SEC24A: variants seen among roughly 807,000 people sequenced by gnomAD.
SEC24A encodes protein transport protein Sec24A.
Under a neutral mutation model 129.4 loss-of-function variants are expected in SEC24A, and 93 were observed. The observed-to-expected ratio is 0.72, with a 90% CI of 0.61 to 0.85. SEC24A has a LOEUF of 0.85. SEC24A is among the 40% of genes least tolerant of loss of function. SEC24A has a pLI of 0.00. For missense variants in SEC24A, 1,264 were observed against 1,307.4 expected (o/e 0.97, Z 0.51); for synonymous variants, 460 against 467.3 (o/e 0.98, Z 0.20).
chr5:134,715,069 T>A lies in SEC24A; in HGVS notation c.2773T>A (p.Phe925Ile). The change falls in exon 19 of 23, where the codon TTT (phenylalanine) becomes ATT (isoleucine). Residue 925 changes from phenylalanine to isoleucine, a missense_variant. By Grantham distance (21) the Phe-to-Ile change is conservative. Transcript: ENST00000398844. Reference sequence around the variant, plus strand: ...AAATGCACGTCTAGATGAACGCATTTTTGCTATGTGTCAAGTGAAAAACCA... The same window carrying A: ...AAATGCACGTCTAGATGAACGCATTATTGCTATGTGTCAAGTGAAAAACCA... The part of the protein sequence containing the change: ...GTNARLDERI[F>I]AMCQVKNQPL... The A allele has an allele frequency of 6.2e-7, 1 of 1,613,050 alleles. No homozygotes were observed. The highest frequency in any genetic ancestry group is 8.5e-7 in the Non-Finnish European group (1 of 1,179,754).
intron 1 of SEC24A, among the ~76,000 whole-genome samples, chr5:134,660,092 T>G (rs1436875391): frequency 6.6e-6 from 1 of 152,046 alleles, no homozygotes; most frequent in African/African-American, 2.4e-5. Context: ...TACAACCTGT[T>G]TGCTCACGCC....
At chr5:134,714,998 T>G (rs1239262360) in intron 18 of SEC24A, 26 bp from the exon 19 acceptor site, 1 of 1,601,976 alleles carries the variant, frequency 6.2e-7, no homozygotes, top group Non-Finnish European at 8.5e-7. Context: ...TATTCTTTTG[T>G]GGGGAATGGG....
chr5:134,677,546 A>T (rs754881100), intron 7 of SEC24A, among the ~76,000 whole-genome samples: 1 of 151,288 alleles, frequency 6.6e-6, no homozygotes, highest in Non-Finnish European at 1.5e-5. Flanking sequence ...TCTTAAAAAA[A>T]AAAAATAAAG....
At chr5:134,691,976 A>G (rs1751671848) in intron 11 of SEC24A, among the ~76,000 whole-genome samples, 1 of 150,866 alleles carries the variant, frequency 6.6e-6, no homozygotes, top group African/African-American at 2.4e-5. Context: ...GCAGAATTGT[A>G]AATTATTATC....
chr5:134,675,284 A>G lies in SEC24A; in HGVS notation c.1151+67A>G, dbSNP rs906231092. On this transcript the variant is annotated intron_variant, in intron 6 of 22. Transcript: ENST00000398844. The stretch of plus-strand genomic sequence containing the variant: ...TCTAGCTTTTTGCAGGGGGCACATC[A>G]GGTGTTATGAATAAGCTGTACAAAT... 7.7e-5 allele frequency: 91 copies of G among 1,183,278 alleles called. No homozygotes were observed. The African/African-American group carries it at 1.2e-3, about 16-fold the overall frequency. The allele number at this position is 1,183,278 out of a possible 1,614,324, so 73.3% of individuals were successfully genotyped here.
At chr5:134,682,925 A>C (rs1751325834) in intron 9 of SEC24A, among the ~76,000 whole-genome samples, 1 of 152,216 alleles carries the variant, frequency 6.6e-6, no homozygotes, top group African/African-American at 2.4e-5. Flanking sequence ...TAAAGTAATT[A>C]ATATATAAGG....
At chr5:134,690,072 G>A (rs912548571) in intron 11 of SEC24A, among the ~76,000 whole-genome samples, 2 of 152,138 alleles carry the variant, frequency 1.3e-5, no homozygotes, top group Non-Finnish European at 1.5e-5. Flanking sequence ...AAGCTGGAGC[G>A]CAATGGCGCC....
chr5:134,705,070 T>TTTTATA (rs1554141294), intron 16 of SEC24A, among the ~76,000 whole-genome samples: 5 of 133,350 alleles, frequency 3.7e-5, no homozygotes, highest in Admixed American at 3.2e-4. Context: ...ATATTTATAT[T>TTTTATA]TATATATATA....
At chr5:134,719,297 A>G (rs976623218) in intron 20 of SEC24A, among the ~76,000 whole-genome samples, 1 of 150,974 alleles carries the variant, frequency 6.6e-6, no homozygotes, top group African/African-American at 2.4e-5. Context: ...TGTGAGAATC[A>G]TCTGAGCTGG....
chr5:134,694,825 A>G (rs1751769932), intron 13 of SEC24A, among the ~76,000 whole-genome samples: 1 of 151,814 alleles, frequency 6.6e-6, no homozygotes. Context: ...GTCTCAAAAA[A>G]AAAAAAAAAA....
At chr5:134,698,478 G>T (rs952951574) in intron 15 of SEC24A, among the ~76,000 whole-genome samples, 2 of 151,738 alleles carry the variant, frequency 1.3e-5, no homozygotes, top group Non-Finnish European at 2.9e-5. Flanking sequence ...GGTGGTGCAC[G>T]TCTGTAGTCC....
chr5:134,697,260 A>G lies in SEC24A; in HGVS notation c.2107+14A>G, dbSNP rs1023506140. ...TGGCTTCTCTGGGTAAGTTCTTCGTAATGATTTTTTTTTTCCGTTAAATGA... is the reference window on the plus strand; with the variant it reads ...TGGCTTCTCTGGGTAAGTTCTTCGTGATGATTTTTTTTTTCCGTTAAATGA... On this transcript the variant is annotated intron_variant, in intron 14 of 22. Coordinates refer to ENST00000398844, the MANE Select transcript of SEC24A (RefSeq NM_021982.3). The G allele has an allele frequency of 1.1e-5, 17 of 1,583,146 alleles. No homozygotes were observed. Among genetic ancestry groups the G allele is most frequent in the Non-Finnish European group, 1.5e-5 (17 of 1,160,044 alleles).
intron 17 of SEC24A, among the ~76,000 whole-genome samples, chr5:134,706,016 T>G (rs1752150170): frequency 6.6e-6 from 1 of 151,836 alleles, no homozygotes; most frequent in Non-Finnish European, 1.5e-5. Flanking sequence ...GCGTCCCGAG[T>G]AGCTGGGATT....
intron 15 of SEC24A, among the ~76,000 whole-genome samples, chr5:134,701,434 G>C (rs61419345): frequency 0.024 from 3,705 of 151,858 alleles, 64 homozygotes; most frequent in African/African-American, 0.055. Flanking sequence ...TTTTCTACTT[G>C]TCAAGACAGA....
chr5:134,666,947 A>G lies in SEC24A; in HGVS notation c.690A>G (p.Ser230=). 6.2e-7 allele frequency: 1 copy of G among 1,612,044 alleles called. No homozygotes were observed. The highest frequency in any genetic ancestry group is 1.7e-5 in the Admixed American group (1 of 59,092). Residue 230 remains serine, a synonymous_variant, in exon 3 of 23, where the codon TCA becomes TCG. Transcript: ENST00000398844. The part of the protein sequence containing the change: ...PVRALTPLTS[S]YRDVPQPLFN... ...GGGCCCTCACGCCCCTGACATCATC[A>G]TATAGAGATGTACCCCAGCCCTTAT...
chr5:134,721,164 A>T (rs1752617397), intron 21 of SEC24A, 74 bp downstream of exon 21: 1 of 841,408 alleles, frequency 1.2e-6, no homozygotes, highest in Non-Finnish European at 2.0e-6. Flanking sequence ...CCCTATTTTG[A>T]TATCAGAAAA....
chr5:134,655,418 A>G (rs1750206595), intron 1 of SEC24A, among the ~76,000 whole-genome samples: 1 of 152,086 alleles, frequency 6.6e-6, no homozygotes, highest in Non-Finnish European at 1.5e-5. Context: ...TGGGAGGTCA[A>G]GGCGGGTGGA....
chr5:134,660,198 CAA>C (rs549425619), intron 1 of SEC24A, among the ~76,000 whole-genome samples: 20 of 89,046 alleles, frequency 2.2e-4, no homozygotes, highest in South Asian at 3.6e-4. Flanking sequence ...TCTGTCTCTA[CAA>C]AAAAAAAAAA....
chr5:134,695,750 G>T (rs1301338624), intron 13 of SEC24A, among the ~76,000 whole-genome samples: 1 of 151,896 alleles, frequency 6.6e-6, no homozygotes, highest in Non-Finnish European at 1.5e-5. Context: ...CTGCACTCCA[G>T]CCTGAGCGAC....
Sources: allele counts gnomAD v4.1 joint callset (sites outside exome capture counted in the v4.1 genomes callset), GRCh38; gene constraint gnomAD v4.1.1; transcripts MANE v1.5; gene names NCBI Gene and HGNC (gene_info 2026-07-23, HGNC 2026-07-21).